Variants in LRRC49 observed in about 807,000 individuals in gnomAD.
The protein encoded by LRRC49 is leucine-rich repeat-containing protein 49.
Under a neutral mutation model 83.3 loss-of-function variants are expected in LRRC49, and 50 were observed. That is an observed-to-expected ratio of 0.60 (90% CI 0.48 to 0.76). LRRC49 has a LOEUF of 0.76. LRRC49 is among the 30% of genes least tolerant of loss of function. The probability of loss-of-function intolerance (pLI) is 0.00; values close to 1 mark genes in which losing one functional copy is unlikely to be tolerated. For synonymous variants in LRRC49, 286 were observed against 283.3 expected, an observed-to-expected ratio of 1.01 and a Z score of -0.10; for missense variants, 704 against 809.1, an observed-to-expected ratio of 0.87 and a Z score of 1.58.
chr15:70,868,580 C>T (rs1406423987), intron 1 of LRRC49, among the ~76,000 whole-genome samples: 4 of 152,218 alleles, frequency 2.6e-5, no homozygotes, highest in African/African-American at 9.6e-5. Context: ...ATTTCTGGCT[C>T]CCATTCTCAG....
At chr15:70,915,010 GC>G (rs2034706047) in intron 6 of LRRC49, among the ~76,000 whole-genome samples, 4 of 152,272 alleles carry the variant, frequency 2.6e-5, no homozygotes, top group Admixed American at 2.6e-4. Context: ...CCATAAATGG[GC>G]TTTCCAACAT....
chr15:70,968,085 C>T (rs538006947), intron 9 of LRRC49, among the ~76,000 whole-genome samples: 38 of 152,028 alleles, frequency 2.5e-4, no homozygotes, highest in Non-Finnish European at 5.0e-4. Flanking sequence ...GTTTGCTGCA[C>T]CTATCAACCC....
At chr15:70,900,811 C>A in intron 3 of LRRC49, 111 bp from the exon 4 acceptor site, 1 of 671,892 alleles carries the variant, frequency 1.5e-6, no homozygotes, top group Non-Finnish European at 2.6e-6. Context: ...GGAAACTATA[C>A]TTTCTAGATA....
At position 70,991,874 on chromosome 15, in the gene LRRC49, A is replaced by G. The variant is rs75649055; in HGVS notation, c.1169+7617A>G. Among the ~76,000 whole-genome samples the G allele has an allele frequency of 7.2e-3, 1,091 of 152,322 alleles. 12 individuals are homozygous for G. Among genetic ancestry groups the G allele is most frequent in the African/African-American group, 0.025 (1,053 of 41,578 alleles). ...CAAAAAATATATAGTAAAGGAAGTA[A>G]TTTGAGTGACATGAGAATAATGTTT... On this transcript the variant is annotated intron_variant, in intron 11 of 15. Transcript: ENST00000260382.
At chr15:71,025,290 G>A (rs2039128302) in intron 14 of LRRC49, among the ~76,000 whole-genome samples, 1 of 152,100 alleles carries the variant, frequency 6.6e-6, no homozygotes, top group Non-Finnish European at 1.5e-5. Context: ...GTTAAGGGCA[G>A]CCAGAGAGAA....
chr15:71,043,896 A>T (rs2039771530), intron 15 of LRRC49, among the ~76,000 whole-genome samples: 1 of 152,224 alleles, frequency 6.6e-6, no homozygotes, highest in African/African-American at 2.4e-5. Context: ...ATTATTATAA[A>T]AAATCTTCCA....
intron 2 of LRRC49, among the ~76,000 whole-genome samples, chr15:70,876,279 A>C (rs2033149722): frequency 6.6e-6 from 1 of 152,218 alleles, no homozygotes; most frequent in South Asian, 2.1e-4. Flanking sequence ...TTCAGTATTC[A>C]TTTAGCAAAT....
chr15:70,956,604 C>G (rs2036412096), intron 8 of LRRC49, among the ~76,000 whole-genome samples: 1 of 149,796 alleles, frequency 6.7e-6, no homozygotes, highest in Admixed American at 6.6e-5. Flanking sequence ...TTTTTTTAAA[C>G]AGTCTGCTTT....
At chr15:70,937,718 A>G (rs1567060375) in intron 8 of LRRC49, among the ~76,000 whole-genome samples, 1 of 152,166 alleles carries the variant, frequency 6.6e-6, no homozygotes, top group Non-Finnish European at 1.5e-5. Context: ...ATCATCCTGT[A>G]CTATGTCTCT....
rs910315179 is a variant in LRRC49 at position 71,050,694 on chromosome 15, G to A, written c.*1082G>A. 1.3e-5 allele frequency: 2 copies of A among 152,222 alleles called. No homozygotes were observed. Among genetic ancestry groups the A allele is most frequent in the Non-Finnish European group, 2.9e-5 (2 of 68,068 alleles). The allele number at this position is 152,222 out of a possible 1,614,324, so 9.4% of individuals were successfully genotyped here. ...AGAGACATGCAGAGACACCTGGAAG[G>A]AAGCTAGGTAAGCTGCTATTGCGGT... is the stretch of plus-strand genomic sequence containing the variant. On this transcript the variant is annotated 3_prime_UTR_variant, in exon 16 of 16. Coordinates refer to ENST00000260382, the MANE Select transcript of LRRC49 (RefSeq NM_017691.5).
At chr15:70,922,705 AG>A (rs1035155496) in intron 7 of LRRC49, among the ~76,000 whole-genome samples, 7 of 152,226 alleles carry the variant, frequency 4.6e-5, no homozygotes, top group African/African-American at 1.7e-4. Context: ...TAAATGCTTG[AG>A]GGGATGGATA....
chr15:71,006,432 T>A (rs751015308), intron 11 of LRRC49, among the ~76,000 whole-genome samples: 3 of 152,190 alleles, frequency 2.0e-5, no homozygotes, highest in Non-Finnish European at 2.9e-5. Context: ...TAAACTTTTT[T>A]GCTGGTTACT....
At chr15:71,044,737 G>A (rs985718454) in intron 15 of LRRC49, among the ~76,000 whole-genome samples, 3 of 152,014 alleles carry the variant, frequency 2.0e-5, no homozygotes, top group Non-Finnish European at 4.4e-5. Context: ...AGTGAGCGGA[G>A]ATCATGCCAC....
In LRRC49 at chr15:70,936,816, T is replaced by C. The variant is rs1398577712; in HGVS notation, c.767T>C (p.Ile256Thr). ...CATCTCTTTCTCAGCTTTAACAATA[T>C]ATCTAGGTAAGTGGAAACTCCCAAG... The part of the protein sequence containing the change: ...LQHLFLSFNN[I>T]SSFDSVSCLA... Residue 256 changes from isoleucine to threonine, a missense_variant, in exon 8 of 16, where the codon ATA (isoleucine) becomes ACA (threonine). Coordinates refer to ENST00000260382, the MANE Select transcript of LRRC49 (RefSeq NM_017691.5). 5 of 1,604,846 alleles carry C rather than the reference T, an allele frequency of 3.1e-6. No individual in the cohort carries two copies. Among genetic ancestry groups the C allele is most frequent in the Non-Finnish European group, 4.3e-6 (5 of 1,172,064 alleles).
intron 1 of LRRC49, among the ~76,000 whole-genome samples, chr15:70,870,957 T>TG (rs769449126): frequency 6.7e-6 from 1 of 150,122 alleles, no homozygotes; most frequent in Non-Finnish European, 1.5e-5. Flanking sequence ...TTTTTTTTTT[T>TG]TTTTTTTTAG....
chr15:70,998,064 A>G (rs2038134392), intron 11 of LRRC49, among the ~76,000 whole-genome samples: 2 of 152,188 alleles, frequency 1.3e-5, no homozygotes, highest in Admixed American at 1.3e-4. Flanking sequence ...ACCTAGTTGT[A>G]ATAGTATATA....
intron 1 of LRRC49, among the ~76,000 whole-genome samples, chr15:70,858,312 G>C (rs2032700837): frequency 6.6e-6 from 1 of 152,088 alleles, no homozygotes; most frequent in African/African-American, 2.4e-5. Context: ...TTTGAGACAG[G>C]GTCTCACAGC....
At chr15:70,890,317 T>C (rs149615873), upstream of LRRC49, among the ~76,000 whole-genome samples, 13 of 152,292 alleles carry the variant, frequency 8.5e-5, no homozygotes, top group East Asian at 2.5e-3. Flanking sequence ...GGTGGACAGA[T>C]GGTTCAAGGA....
rs139411761 is a variant in LRRC49 at position 70,898,277 on chromosome 15, A to G, written c.193+2341A>G. On this transcript the variant is annotated intron_variant, in intron 3 of 15. Transcript: ENST00000260382. ...ATGCTATTTGTATTGAGATTTTAAC[A>G]GAAGTAACACACGCAAAATAGATTT... 8.1e-3 allele frequency: 4,971 copies of G among 615,464 alleles called. 40 individuals carry two copies. Among genetic ancestry groups the G allele is most frequent in the Non-Finnish European group, 0.011 (3,874 of 346,130 alleles). 38.1% of individuals were successfully genotyped at this position (615,464 alleles called of 1,614,324 possible).
Sources: allele counts gnomAD v4.1 joint callset (sites outside exome capture counted in the v4.1 genomes callset), GRCh38; gene constraint gnomAD v4.1.1; transcripts MANE v1.5; gene names NCBI Gene and HGNC (gene_info 2026-07-23, HGNC 2026-07-21).